The following AP5S1 variants were observed in gnomAD, a reference collection of about 807,000 sequenced individuals.
AP5S1 encodes the protein adaptor related protein complex 5 subunit sigma 1.
Under a neutral mutation model 13.9 loss-of-function variants are expected in AP5S1, and 13 were observed. The ratio of observed to expected loss-of-function variants is 0.94; its 90% CI spans 0.61 to 1.49. The LOEUF (loss-of-function observed/expected upper bound fraction) is 1.49, where lower values mean the gene tolerates loss of function less well. Ranked by LOEUF, AP5S1 falls within the 40% of genes most tolerant of loss-of-function variation. The probability of loss-of-function intolerance (pLI) is 0.00; values close to 1 mark genes in which losing one functional copy is unlikely to be tolerated. For synonymous variants in AP5S1, 132 were observed against 121.8 expected (o/e 1.08, Z -0.55); for missense variants, 292 against 272.3 (o/e 1.07, Z -0.51).
chr20:3,823,732 C>A, intron 2 of AP5S1, 139 bp from the exon 3 acceptor site: 1 of 1,479,994 alleles, frequency 6.8e-7, no homozygotes, highest in South Asian at 1.4e-5. Flanking sequence ...TGGCCCTGGG[C>A]AGATCACTTA....
chr20:3,827,763 CT>C lies in AP5S1; in HGVS notation c.*3482del, dbSNP rs570370452. 9,267 of 136,672 alleles carry C rather than the reference CT, an allele frequency of 0.068. 296 individuals carry two copies. Among genetic ancestry groups the C allele is most frequent in the Non-Finnish European group, 0.1 (6,328 of 62,974 alleles). The allele number at this position is 136,672 out of a possible 1,614,324, so 8.5% of individuals were successfully genotyped here. A position where few individuals can be genotyped will look rare whatever the true frequency, so the allele number is the denominator to read the frequency against. ...GGGCTCAATGTTTTCTTTTCTTTTT[CT>C]TTTTTTTTTTTTTTTGAGATGGAGT... On this transcript the variant is annotated 3_prime_UTR_variant, in exon 3 of 3. Coordinates refer to ENST00000615891, the MANE Select transcript of AP5S1 (RefSeq NM_018347.3).
chr20:3,828,059 G>C lies in AP5S1; in HGVS notation c.*3762G>C, dbSNP rs1383661793. On this transcript the variant is annotated 3_prime_UTR_variant, in exon 3 of 3. Coordinates refer to ENST00000615891, the MANE Select transcript of AP5S1 (RefSeq NM_018347.3). ...TTACAGGTGTGAGCCACCATGCCTG[G>C]CCTCAATCTTTTCTTTTAAACAATT... The C allele has an allele frequency of 6.6e-6, 1 of 152,130 alleles. No homozygotes were observed. Among genetic ancestry groups the C allele is most frequent in the Non-Finnish European group, 1.5e-5 (1 of 68,042 alleles). 9.4% of individuals were successfully genotyped at this position (152,130 alleles called of 1,614,324 possible).
At position 3,826,392 on chromosome 20, in the gene AP5S1, C is replaced by T. The variant is rs2089624963; in HGVS notation, c.*2095C>T. 6.6e-6 allele frequency: 1 copy of T among 152,334 alleles called. No homozygotes were observed. Among genetic ancestry groups the T allele is most frequent in the African/African-American group, 2.4e-5 (1 of 41,456 alleles). The allele number at this position is 152,334 out of a possible 1,614,324, so 9.4% of individuals were successfully genotyped here. ...CTATACATTCTGTTCTCCTGGCCCACCCCTCACCCCAGGCTGGCGGTCCTG... is the reference window on the plus strand; with the variant it reads ...CTATACATTCTGTTCTCCTGGCCCATCCCTCACCCCAGGCTGGCGGTCCTG... On this transcript the variant is annotated 3_prime_UTR_variant, in exon 3 of 3. Coordinates refer to ENST00000615891, the MANE Select transcript of AP5S1 (RefSeq NM_018347.3).
rs1224444309 is a variant in AP5S1, at chr20:3,825,473, C to T, written c.*1176C>T. On this transcript the variant is annotated 3_prime_UTR_variant, in exon 3 of 3. Transcript: ENST00000615891. ...TCACCTCTGTCTCCTTAGAGGCCTC[C>T]TTTGGATGGTGGCACACATTTCTCC... is the stretch of plus-strand genomic sequence containing the variant. 1.3e-5 allele frequency: 2 copies of T among 152,276 alleles called. No individual in the cohort carries two copies. The highest frequency in any genetic ancestry group is 4.8e-5 in the African/African-American group (2 of 41,442). 9.4% of individuals were successfully genotyped at this position (152,276 alleles called of 1,614,324 possible).
chr20:3,824,201 C>A lies in AP5S1; in HGVS notation c.507C>A (p.Ile169=). ...TGCGGGCTGACCGCATTGAGGGCAT[C>A]CTCACCCGCTTCCTGCCACATGGTC... The part of the protein sequence containing the change: ...LLLRADRIEG[I]LTRFLPHGQL... The change falls in exon 3 of 3, where the codon ATC becomes ATA. Residue 169 remains isoleucine (I), a synonymous_variant. Coordinates refer to ENST00000615891, the MANE Select transcript of AP5S1 (RefSeq NM_018347.3). The A allele has an allele frequency of 6.2e-7, 1 of 1,614,192 alleles. No individual in the cohort carries two copies. The highest frequency in any genetic ancestry group is 8.5e-7 in the Non-Finnish European group (1 of 1,180,042).
chr20:3,821,073 C>T (rs1024330182), intron 1 of AP5S1, among the ~76,000 whole-genome samples: 3 of 152,234 alleles, frequency 2.0e-5, no homozygotes, highest in Admixed American at 6.5e-5. Context: ...CCTGTATGCA[C>T]TTGGATGAGA....
chr20:3,828,348 C>G lies in AP5S1; in HGVS notation c.*4051C>G, dbSNP rs556954964. 2.0e-5 allele frequency: 3 copies of G among 152,336 alleles called. No individual in the cohort carries two copies. The highest frequency in any genetic ancestry group is 2.1e-4 in the South Asian group (1 of 4,826). The allele number at this position is 152,336 out of a possible 1,614,324, so 9.4% of individuals were successfully genotyped here. Reference sequence around the variant, plus strand: ...TGGGCACCAGAGTGGTCATTTGTTACAACTGATGGACCTTCATTGACACGT... The same window carrying G: ...TGGGCACCAGAGTGGTCATTTGTTAGAACTGATGGACCTTCATTGACACGT... On this transcript the variant is annotated 3_prime_UTR_variant, in exon 3 of 3. Transcript: ENST00000615891.
intron 1 of AP5S1, among the ~76,000 whole-genome samples, chr20:3,821,676 C>G (rs754032927): frequency 1.3e-5 from 2 of 152,050 alleles, no homozygotes; most frequent in Non-Finnish European, 2.9e-5. Context: ...CCAAATTACC[C>G]TTTTCTTGGT....
In AP5S1 at chr20:3,826,103, C is replaced by G. The variant is rs926981964; in HGVS notation, c.*1806C>G. 2.0e-5 allele frequency: 3 copies of G among 152,190 alleles called. No individual in the cohort carries two copies. Among genetic ancestry groups the G allele is most frequent in the Non-Finnish European group, 4.4e-5 (3 of 68,048 alleles). 9.4% of individuals were successfully genotyped at this position (152,190 alleles called of 1,614,324 possible). ...TCATGCTTGCCATCCATCAGTTGCCCTTTAGCATCCAGGATGGACCCAACT... is the reference window on the plus strand; with the variant it reads ...TCATGCTTGCCATCCATCAGTTGCCGTTTAGCATCCAGGATGGACCCAACT... On this transcript the variant is annotated 3_prime_UTR_variant, in exon 3 of 3. Coordinates refer to ENST00000615891, the MANE Select transcript of AP5S1 (RefSeq NM_018347.3).
intron 2 of AP5S1, 107 bp from the exon 3 acceptor site, chr20:3,823,764 C>T: frequency 1.3e-6 from 2 of 1,516,408 alleles, no homozygotes; most frequent in Non-Finnish European, 1.8e-6. Context: ...CCTCAGTTTT[C>T]TCACTTGAGA....
chr20:3,828,315 A>G lies in AP5S1; in HGVS notation c.*4018A>G, dbSNP rs553293990. On this transcript the variant is annotated 3_prime_UTR_variant, in exon 3 of 3. Transcript: ENST00000615891. The stretch of plus-strand genomic sequence containing the variant: ...CCACACATGCACAGCCTCCCTTATC[A>G]CCAACACTGGGCACCAGAGTGGTCA... 1.3e-5 allele frequency: 2 copies of G among 152,192 alleles called. No homozygotes were observed. Among genetic ancestry groups the G allele is most frequent in the African/African-American group, 4.8e-5 (2 of 41,528 alleles). 9.4% of individuals were successfully genotyped at this position (152,192 alleles called of 1,614,324 possible). A position where few individuals can be genotyped will look rare whatever the true frequency, so the allele number is the denominator to read the frequency against.
At chr20:3,821,807 CTGT>C (rs1204459309) in intron 1 of AP5S1, 5 of 615,510 alleles carry the variant, frequency 8.1e-6, no homozygotes, top group South Asian at 7.2e-5. Flanking sequence ...TTGAAGATAC[CTGT>C]TGTTTTGTAG....
Position 3,825,180 on chromosome 20 carries a change from A to T in AP5S1, c.*883A>T, listed in dbSNP as rs979033850. The T allele has an allele frequency of 6.6e-6, 1 of 152,278 alleles. No homozygotes were observed. Among genetic ancestry groups the T allele is most frequent in the Non-Finnish European group, 1.5e-5 (1 of 68,054 alleles). 9.4% of individuals were successfully genotyped at this position (152,278 alleles called of 1,614,324 possible). On this transcript the variant is annotated 3_prime_UTR_variant, in exon 3 of 3. Coordinates refer to ENST00000615891, the MANE Select transcript of AP5S1 (RefSeq NM_018347.3). ...CCCGTTCCCACCAGGCAGGCTCGAG[A>T]TAAAGTCATCACAGCCTTCCCTCAT...
chr20:3,824,107 C>A lies in AP5S1; in HGVS notation c.413C>A (p.Thr138Lys). The A allele has an allele frequency of 6.2e-7, 1 of 1,613,950 alleles. No individual in the cohort carries two copies. Among genetic ancestry groups the A allele is most frequent in the African/African-American group, 1.3e-5 (1 of 75,072 alleles). Residue 138 changes from threonine (T) to lysine (K), a missense_variant, in exon 3 of 3, where the codon ACG (threonine) becomes AAG (lysine). By Grantham distance (78) the Thr-to-Lys change is moderately conservative. Coordinates refer to ENST00000615891, the MANE Select transcript of AP5S1 (RefSeq NM_018347.3). ...GAGAACCTGCTACTGGCTGAGGGCA[C>A]GCTCCGGCTGCTGACACGCCTCCTC... ...AHENLLLAEG[T>K]LRLLTRLLLD...
chr20:3,824,169 C>T lies in AP5S1; in HGVS notation c.475C>T (p.Leu159Phe). ...HLRLLAPSTS[L>F]LLRADRIEGI... ...CCGGCTGCTGGCGCCCAGCACCAGC[C>T]TTCTGCTGCGGGCTGACCGCATTGA... The change falls in exon 3 of 3, where the codon CTT becomes TTT. Residue 159 changes from leucine (L) to phenylalanine (F), a missense_variant. Physicochemically the swap from Leu to Phe is conservative, Grantham distance 22. Coordinates refer to ENST00000615891, the MANE Select transcript of AP5S1 (RefSeq NM_018347.3). The T allele has an allele frequency of 1.2e-6, 2 of 1,614,148 alleles. No individual in the cohort carries two copies. The highest frequency in any genetic ancestry group is 1.7e-6 in the Non-Finnish European group (2 of 1,180,040).
intron 1 of AP5S1, chr20:3,821,844 AT>A: frequency 8.9e-6 from 8 of 895,114 alleles, no homozygotes; most frequent in Non-Finnish European, 1.1e-5. Context: ...GTGGTCTGAG[AT>A]TTTTTTTGTT....
chr20:3,823,589 T>C lies in AP5S1; in HGVS notation c.177-282T>C, dbSNP rs372603546. The C allele has an allele frequency of 2.3e-5, 23 of 985,232 alleles. No homozygotes were observed. The East Asian group carries it at 2.0e-3, about 87-fold the overall frequency. The allele number at this position is 985,232 out of a possible 1,614,324, so 61.0% of individuals were successfully genotyped here. A position where few individuals can be genotyped will look rare whatever the true frequency, so the allele number is the denominator to read the frequency against. On this transcript the variant is annotated intron_variant, in intron 2 of 2. Transcript: ENST00000615891. ...TTCCTTTATGTGGAGAAGGCCTCTG[T>C]GAAGCAGGTGAGGGCAGGATCTTCT...
chr20:3,821,388 T>C (rs1251453852), intron 1 of AP5S1, among the ~76,000 whole-genome samples: 1 of 152,218 alleles, frequency 6.6e-6, no homozygotes, highest in Non-Finnish European at 1.5e-5. Flanking sequence ...TTCTTTTTTT[T>C]TGAGACAAGA....
chr20:3,821,861 G>GT, intron 1 of AP5S1: 1 of 944,996 alleles, frequency 1.1e-6, no homozygotes, highest in South Asian at 4.9e-5. Context: ...TTGTTTGTTT[G>GT]TTTGTTTTTC....
Sources: gnomAD v4.1 joint callset for allele counts (sites outside exome capture counted in the v4.1 genomes callset) on GRCh38, gnomAD v4.1.1 for gene constraint, MANE v1.5 for transcripts, NCBI Gene and HGNC (gene_info 2026-07-23, HGNC 2026-07-21) for gene names.